Variants in CPA6 observed in about 807,000 individuals in gnomAD.
The protein encoded by CPA6 is carboxypeptidase B.
A neutral mutation model predicts 63.3 loss-of-function variants in CPA6; 58 were observed. The observed-to-expected ratio is 0.92, with a 90% CI of 0.74 to 1.14. CPA6 has a LOEUF of 1.14. Ranked by LOEUF, CPA6 falls within the 50% of genes most tolerant of loss-of-function variation. CPA6 has a pLI of 0.00. For synonymous variants in CPA6, 185 were observed against 179.0 expected, an observed-to-expected ratio of 1.03 and a Z score of -0.27; for missense variants, 565 against 526.6, an observed-to-expected ratio of 1.07 and a Z score of -0.71.
chr8:67,543,788 A>C (rs1231950007), intron 2 of CPA6, among the ~76,000 whole-genome samples: 1 of 150,604 alleles, frequency 6.6e-6, no homozygotes, highest in Non-Finnish European at 1.5e-5. Context: ...TATTATTATT[A>C]TTATTATTTT....
At chr8:67,555,644 C>CA (rs1429210091) in intron 2 of CPA6, among the ~76,000 whole-genome samples, 1 of 152,118 alleles carries the variant, frequency 6.6e-6, no homozygotes, top group African/African-American at 2.4e-5. Context: ...TGTAGTCAGC[C>CA]AGGCAGAAGT....
At chr8:67,565,834 T>C (rs1378298512) in intron 2 of CPA6, among the ~76,000 whole-genome samples, 4 of 152,196 alleles carry the variant, frequency 2.6e-5, no homozygotes, top group Admixed American at 2.0e-4. Flanking sequence ...GATGTCATCT[T>C]CACTTTGAAA....
At position 67,536,541 on chromosome 8, in the gene CPA6, G is replaced by A. The variant is rs140434482; in HGVS notation, c.193-18494C>T. On this transcript the variant is annotated intron_variant, in intron 2 of 10. Coordinates refer to ENST00000297770, the MANE Select transcript of CPA6 (RefSeq NM_020361.5). ...GGAATGCTTGTGATTTTTGCACATT[G>A]ATTTTGTATCCTGAGACTTTGCCGA... Among the ~76,000 whole-genome samples the A allele has an allele frequency of 2.2e-3, 338 of 152,264 alleles. 2 individuals are homozygous for A. Among genetic ancestry groups the A allele is most frequent in the African/African-American group, 7.8e-3 (325 of 41,562 alleles).
At chr8:67,742,133 T>TGTGTGTGTGTGCGC (rs1181641314) in intron 1 of CPA6, among the ~76,000 whole-genome samples, 13 of 151,460 alleles carry the variant, frequency 8.6e-5, no homozygotes, top group African/African-American at 2.9e-4. Flanking sequence ...TACTTTTGTG[T>TGTGTGTGTGTGCGC]GTGTGTGTGT....
At chr8:67,622,859 G>A (rs1298737100) in intron 2 of CPA6, among the ~76,000 whole-genome samples, 6 of 152,236 alleles carry the variant, frequency 3.9e-5, no homozygotes, top group Admixed American at 1.3e-4. Context: ...TTAAAATGAA[G>A]CCTAAACCAC....
At chr8:67,591,103 T>C (rs1477996786) in intron 2 of CPA6, among the ~76,000 whole-genome samples, 1 of 151,754 alleles carries the variant, frequency 6.6e-6, no homozygotes, top group African/African-American at 2.4e-5. Flanking sequence ...TTTCTACATA[T>C]GGCTAGCCAG....
intron 2 of CPA6, among the ~76,000 whole-genome samples, chr8:67,581,051 T>C (rs1188399678): frequency 6.6e-6 from 1 of 151,964 alleles, no homozygotes; most frequent in African/African-American, 2.4e-5. Context: ...AGACCAAAAA[T>C]TGGTAGGGGA....
intron 1 of CPA6, among the ~76,000 whole-genome samples, chr8:67,716,457 T>C (rs1817384010): frequency 6.6e-6 from 1 of 152,184 alleles, no homozygotes; most frequent in African/African-American, 2.4e-5. Context: ...TACATTCTTT[T>C]GAGTCTCTGA....
At chr8:67,744,826 G>T (rs534507962) in intron 1 of CPA6, among the ~76,000 whole-genome samples, 1 of 152,210 alleles carries the variant, frequency 6.6e-6, no homozygotes, top group East Asian at 1.9e-4. Context: ...AAATACTGGG[G>T]TGGAAAAATC....
intron 1 of CPA6, among the ~76,000 whole-genome samples, chr8:67,741,085 A>G (rs943399358): frequency 3.3e-5 from 5 of 152,156 alleles, no homozygotes; most frequent in African/African-American, 1.2e-4. Flanking sequence ...AGGATATGCC[A>G]TTCATCAAAG....
intron 1 of CPA6, among the ~76,000 whole-genome samples, chr8:67,678,066 A>G (rs2128995458): frequency 6.6e-6 from 1 of 152,188 alleles, no homozygotes; most frequent in East Asian, 1.9e-4. Flanking sequence ...TGTCTCTACT[A>G]AAAATACAAA....
At chr8:67,483,189 C>T (rs1212152578) in intron 8 of CPA6, 2 of 152,554 alleles carry the variant, frequency 1.3e-5, no homozygotes, top group African/African-American at 4.8e-5. Flanking sequence ...TTTCTCATTT[C>T]TCCCTGACAC....
chr8:67,614,144 T>G (rs1814880572), intron 2 of CPA6, among the ~76,000 whole-genome samples: 1 of 152,204 alleles, frequency 6.6e-6, no homozygotes, highest in Non-Finnish European at 1.5e-5. Context: ...ACCATTGAGC[T>G]GCAGATGGCA....
At chr8:67,697,673 G>A (rs1276952005) in intron 1 of CPA6, among the ~76,000 whole-genome samples, 1 of 152,040 alleles carries the variant, frequency 6.6e-6, no homozygotes, top group Non-Finnish European at 1.5e-5. Flanking sequence ...GTTTTTTACT[G>A]AGGAAAAATA....
intron 2 of CPA6, among the ~76,000 whole-genome samples, chr8:67,530,585 C>T (rs962762987): frequency 6.6e-6 from 1 of 152,074 alleles, no homozygotes; most frequent in Non-Finnish European, 1.5e-5. Context: ...CCCAGAAATA[C>T]AAGGAAACCC....
At chr8:67,641,735 C>G (rs4560766) in intron 1 of CPA6, among the ~76,000 whole-genome samples, 53,405 of 151,500 alleles carry the variant, frequency 0.35, 9,793 homozygotes, top group South Asian at 0.46. Flanking sequence ...TAAATAAGAA[C>G]AAAACATAAA....
At chr8:67,611,565 C>T (rs1814808413) in intron 2 of CPA6, among the ~76,000 whole-genome samples, 1 of 151,648 alleles carries the variant, frequency 6.6e-6, no homozygotes. Context: ...CCAGATCTAC[C>T]CTCTTTTTGT....
chr8:67,496,541 A>G (rs1811718480), intron 6 of CPA6, among the ~76,000 whole-genome samples: 1 of 138,984 alleles, frequency 7.2e-6, no homozygotes, highest in Non-Finnish European at 1.5e-5. Context: ...ATATATATAT[A>G]TATATATATA....
chr8:67,714,221 T>C (rs1176334830), intron 1 of CPA6, among the ~76,000 whole-genome samples: 1 of 152,128 alleles, frequency 6.6e-6, no homozygotes, highest in East Asian at 1.9e-4. Flanking sequence ...TCTCAAGATA[T>C]AGAGGATTAT....
Sources: allele counts gnomAD v4.1 joint callset (sites outside exome capture counted in the v4.1 genomes callset), GRCh38; gene constraint gnomAD v4.1.1; transcripts MANE v1.5; gene names NCBI Gene and HGNC (gene_info 2026-07-23, HGNC 2026-07-21).